The following BICC1 variants were observed in gnomAD, a reference collection of about 807,000 sequenced individuals.
BICC1 encodes BicC family RNA binding protein 1.
In BICC1, 43 loss-of-function variants were observed where a neutral mutation model predicts 111.0. That is an observed-to-expected ratio of 0.39 (90% CI 0.30 to 0.50). The LOEUF is 0.50. Among genes scored for constraint, BICC1 ranks in the 20% least tolerant of loss-of-function variants. The probability of loss-of-function intolerance (pLI) is 0.88; values close to 1 mark genes in which losing one functional copy is unlikely to be tolerated. For synonymous variants in BICC1, 467 were observed against 434.4 expected (o/e 1.07, Z -0.93); for missense variants, 1,091 against 1,203.2 (o/e 0.91, Z 1.38).
chr10:58,764,395 T>C (rs1842401063), intron 3 of BICC1, among the ~76,000 whole-genome samples: 1 of 152,196 alleles, frequency 6.6e-6, no homozygotes, highest in African/African-American at 2.4e-5. Context: ...CTGTACCCTG[T>C]TCTCGACACA....
chr10:58,688,366 C>T (rs1839808355), intron 2 of BICC1, among the ~76,000 whole-genome samples: 2 of 152,062 alleles, frequency 1.3e-5, no homozygotes, highest in African/African-American at 2.4e-5. Flanking sequence ...CTGATTGGTG[C>T]GTTTTTACAG....
chr10:58,806,473 G>A, intron 15 of BICC1, 111 bp from the exon 16 acceptor site: 1 of 916,890 alleles, frequency 1.1e-6, no homozygotes, highest in South Asian at 1.4e-5. Context: ...CTTGGTGTAT[G>A]TCTCAGGCAG....
chr10:58,793,409 C>A, intron 8 of BICC1, 75 bp from the exon 9 acceptor site: 1 of 1,326,014 alleles, frequency 7.5e-7, no homozygotes, highest in Non-Finnish European at 1.1e-6. Flanking sequence ...GCATTATTTG[C>A]AGGCATGTTA....
chr10:58,734,464 C>T (rs916462963), intron 3 of BICC1, among the ~76,000 whole-genome samples: 1 of 152,168 alleles, frequency 6.6e-6, no homozygotes, highest in African/African-American at 2.4e-5. Flanking sequence ...TCGATAAATA[C>T]TTTGCCTCTG....
intron 2 of BICC1, among the ~76,000 whole-genome samples, chr10:58,648,135 C>CCAT: frequency 6.6e-6 from 1 of 152,234 alleles, no homozygotes; most frequent in Non-Finnish European, 1.5e-5. Flanking sequence ...GCTTTTCTAG[C>CCAT]AGGCCATTAG....
At chr10:58,519,688 T>G (rs1842339593) in intron 1 of BICC1, among the ~76,000 whole-genome samples, 1 of 152,136 alleles carries the variant, frequency 6.6e-6, no homozygotes, top group Non-Finnish European at 1.5e-5. Context: ...ATTTCTTTCT[T>G]GGCATAGTCC....
chr10:58,763,996 G>A (rs1842390638), intron 3 of BICC1, among the ~76,000 whole-genome samples: 1 of 152,132 alleles, frequency 6.6e-6, no homozygotes, highest in African/African-American at 2.4e-5. Context: ...TCACAGGCAT[G>A]GAATTGCTAT....
chr10:58,800,065 T>C (rs1245370688), intron 12 of BICC1, 129 bp from the exon 13 acceptor site: 26 of 632,928 alleles, frequency 4.1e-5, no homozygotes, highest in Non-Finnish European at 5.5e-6. Flanking sequence ...ATATATTTCA[T>C]CTCCTTAGTT....
chr10:58,634,287 T>G (rs1026065023), intron 2 of BICC1, among the ~76,000 whole-genome samples: 1 of 152,146 alleles, frequency 6.6e-6, no homozygotes, highest in African/African-American at 2.4e-5. Context: ...CCACCACGCC[T>G]GGCCTAGGGG....
intron 1 of BICC1, among the ~76,000 whole-genome samples, chr10:58,586,381 T>C (rs1844426751): frequency 6.6e-6 from 1 of 152,110 alleles, no homozygotes. Context: ...TGACTACCAA[T>C]TGACTTTCTA....
intron 1 of BICC1, among the ~76,000 whole-genome samples, chr10:58,615,396 T>C (rs1488691167): frequency 6.6e-6 from 1 of 152,118 alleles, no homozygotes; most frequent in Non-Finnish European, 1.5e-5. Flanking sequence ...CCAGCGAGTT[T>C]GGAGTGCAGG....
chr10:58,687,542 T>C (rs1015999796), intron 2 of BICC1, among the ~76,000 whole-genome samples: 4 of 152,170 alleles, frequency 2.6e-5, no homozygotes, highest in Non-Finnish European at 5.9e-5. Context: ...CTGGCCACTT[T>C]GTTTATGTAC....
At chr10:58,519,238 G>T (rs754463509) in intron 1 of BICC1, among the ~76,000 whole-genome samples, 24 of 152,062 alleles carry the variant, frequency 1.6e-4, no homozygotes, top group Admixed American at 3.9e-4. Flanking sequence ...GCAGGAAAAA[G>T]GCGGAAGAAG....
At chr10:58,610,394 G>A (rs938380364) in intron 1 of BICC1, among the ~76,000 whole-genome samples, 1 of 152,146 alleles carries the variant, frequency 6.6e-6, no homozygotes, top group African/African-American at 2.4e-5. Flanking sequence ...TTTGAGAAGT[G>A]TGTGTAATCT....
rs574732366 is a variant in BICC1, at chr10:58,799,305, A to G, written c.1725+53A>G. ...GTGATCTGTACTGTTTGTAAGAGAC[A>G]AACCCCTGGTAAAGTTAAAACATGC... is the stretch of plus-strand genomic sequence containing the variant. On this transcript the variant is annotated intron_variant, in intron 12 of 20. Coordinates refer to ENST00000373886, the MANE Select transcript of BICC1 (RefSeq NM_001080512.3). 6 of 1,388,744 alleles carry G rather than the reference A, an allele frequency of 4.3e-6. No individual in the cohort carries two copies. The African/African-American group carries it at 5.7e-5, about 13-fold the overall frequency. 86.0% of individuals were successfully genotyped at this position (1,388,744 alleles called of 1,614,324 possible). A position where few individuals can be genotyped will look rare whatever the true frequency, so the allele number is the denominator to read the frequency against.
intron 3 of BICC1, 131 bp downstream of exon 3, chr10:58,702,274 C>T: frequency 1.7e-6 from 1 of 584,646 alleles, no homozygotes; most frequent in Non-Finnish European, 3.0e-6. Flanking sequence ...AAGTAGCAGT[C>T]TTTCAGGAGG....
intron 1 of BICC1, among the ~76,000 whole-genome samples, chr10:58,617,666 T>A (rs978780775): frequency 6.6e-6 from 1 of 152,240 alleles, no homozygotes; most frequent in African/African-American, 2.4e-5. Flanking sequence ...ATCACCAAGG[T>A]GGTGACACCT....
chr10:58,763,324 G>C (rs1280763987), intron 3 of BICC1, among the ~76,000 whole-genome samples: 1 of 152,144 alleles, frequency 6.6e-6, no homozygotes. Flanking sequence ...GCATGGGTTA[G>C]TCAACCTTCA....
At chr10:58,715,762 A>G in intron 3 of BICC1, 1 of 1,492,926 alleles carries the variant, frequency 6.7e-7, no homozygotes, top group Non-Finnish European at 9.3e-7. Flanking sequence ...GAGAACTGGA[A>G]GAAAGAACTG....
Sources: allele counts gnomAD v4.1 joint callset (sites outside exome capture counted in the v4.1 genomes callset), GRCh38; gene constraint gnomAD v4.1.1; transcripts MANE v1.5; gene names NCBI Gene and HGNC (gene_info 2026-07-23, HGNC 2026-07-21).